TULP2: variants seen among roughly 807,000 people sequenced by gnomAD.
TULP2 encodes tubby-related protein 2.
In TULP2, 64 loss-of-function variants were observed where a neutral mutation model predicts 60.3. The observed-to-expected ratio is 1.06, with a 90% CI of 0.87 to 1.31. The LOEUF (loss-of-function observed/expected upper bound fraction) is 1.31, where lower values mean the gene tolerates loss of function less well. Ranked by LOEUF, TULP2 falls within the 50% of genes most tolerant of loss-of-function variation. TULP2 has a pLI of 0.00. For synonymous variants in TULP2, 267 were observed against 265.4 expected (o/e 1.01, Z -0.06); for missense variants, 652 against 667.0 (o/e 0.98, Z 0.25).
intron 3 of TULP2, 63 bp from the exon 4 acceptor site, chr19:48,896,619 G>A: frequency 6.7e-7 from 1 of 1,500,422 alleles, no homozygotes; most frequent in African/African-American, 1.4e-5. Context: ...GAAGTGAGGT[G>A]GGGCCTGGGG....
chr19:48,897,545 C>A lies in TULP2; in HGVS notation c.33-149G>T. On this transcript the variant is annotated intron_variant, in intron 2 of 12. Coordinates refer to ENST00000221399, the MANE Select transcript of TULP2 (RefSeq NM_003323.3). This position sits in a 1 kb window ranked among gnomAD's most constrained non-coding sequence, Gnocchi z 4.0. The stretch of plus-strand genomic sequence containing the variant: ...GGTGCAGAACCTGAGCCTGCTCCAC[C>A]AGTTATAGGGCCCTTTCTCCTGGCA... 1.3e-6 allele frequency: 1 copy of A among 787,004 alleles called. No individual in the cohort carries two copies. The highest frequency in any genetic ancestry group is 2.1e-6 in the Non-Finnish European group (1 of 475,302). 48.8% of individuals were successfully genotyped at this position (787,004 alleles called of 1,614,324 possible).
intron 7 of TULP2, among the ~76,000 whole-genome samples, chr19:48,888,713 C>A (rs1208970445): frequency 6.6e-6 from 1 of 152,112 alleles, no homozygotes; most frequent in Non-Finnish European, 1.5e-5. Flanking sequence ...CCTCTGCCTC[C>A]CAGGTTCAAG....
rs1212912294 is a variant in TULP2 at position 48,881,140 on chromosome 19, C to G, written c.1448-14G>C. On this transcript the variant is annotated splice_polypyrimidine_tract_variant and intron_variant, in intron 12 of 12. Coordinates refer to ENST00000221399, the MANE Select transcript of TULP2 (RefSeq NM_003323.3). The stretch of plus-strand genomic sequence containing the variant: ...CCAGATGTTCTTCTGAGAAGTGAAT[C>G]AGGAACAAAGCCTTAGCCTGACTCT... 1.3e-5 allele frequency: 20 copies of G among 1,583,268 alleles called. No individual in the cohort carries two copies. Among genetic ancestry groups the G allele is most frequent in the Non-Finnish European group, 1.6e-5 (19 of 1,157,058 alleles).
intron 6 of TULP2, among the ~76,000 whole-genome samples, chr19:48,890,545 T>G (rs1293111615): frequency 6.6e-6 from 1 of 152,188 alleles, no homozygotes; most frequent in Non-Finnish European, 1.5e-5. Flanking sequence ...CTTTTCCAAG[T>G]CTCTCGTTCC....
chr19:48,882,211 G>T lies in TULP2; in HGVS notation c.1276-8C>A. The T allele has an allele frequency of 6.2e-7, 1 of 1,613,938 alleles. No homozygotes were observed. The highest frequency in any genetic ancestry group is 8.5e-7 in the Non-Finnish European group (1 of 1,179,930). On this transcript the variant is annotated splice_polypyrimidine_tract_variant and splice_region_variant and intron_variant, in intron 11 of 12. Coordinates refer to ENST00000221399, the MANE Select transcript of TULP2 (RefSeq NM_003323.3). ...CAGTAGCGACTCCTGTTCCTAGAAG[G>T]TAAAGAAGGGGCTGTGGTTTTCTCA...
At chr19:48,890,218 G>A (rs1600005822) in intron 6 of TULP2, among the ~76,000 whole-genome samples, 1 of 151,768 alleles carries the variant, frequency 6.6e-6, no homozygotes, top group East Asian at 1.9e-4. Flanking sequence ...AACCGCCTTC[G>A]GGCTGGAGGT....
At chr19:48,881,253 A>G in intron 12 of TULP2, 127 bp from the exon 13 acceptor site, 1 of 574,054 alleles carries the variant, frequency 1.7e-6, no homozygotes, top group African/African-American at 2.2e-5. Flanking sequence ...TCTGTCGCCC[A>G]GGCTGGAGTG....
At chr19:48,884,907 T>C (rs2037165775) in intron 9 of TULP2, among the ~76,000 whole-genome samples, 1 of 126,580 alleles carries the variant, frequency 7.9e-6, no homozygotes, top group South Asian at 2.4e-4. Context: ...TTAGGAACCC[T>C]CTTTTTTTTT....
At chr19:48,883,650 C>T (rs936974330) in intron 11 of TULP2, 104 bp downstream of exon 11, 2 of 1,291,084 alleles carry the variant, frequency 1.5e-6, no homozygotes, top group East Asian at 4.7e-5. Context: ...CTGCAACCCA[C>T]TGGCCTCCTC....
At chr19:48,895,827 C>G (rs879813230) in intron 4 of TULP2, among the ~76,000 whole-genome samples, 9 of 152,046 alleles carry the variant, frequency 5.9e-5, no homozygotes, top group Admixed American at 1.3e-4. Context: ...TGCGGTGAGC[C>G]GATATCCTGC....
intron 6 of TULP2, among the ~76,000 whole-genome samples, chr19:48,894,503 TG>T (rs2037260750): frequency 1.3e-5 from 2 of 151,794 alleles, no homozygotes; most frequent in Admixed American, 1.3e-4. Context: ...TAGCTGGGCG[TG>T]GTGATGCGCA....
At chr19:48,884,835 C>T (rs1374328726) in intron 9 of TULP2, among the ~76,000 whole-genome samples, 3 of 151,220 alleles carry the variant, frequency 2.0e-5, no homozygotes, top group Non-Finnish European at 4.4e-5. Context: ...GTCCCAGGCC[C>T]CCTCATTTCT....
At position 48,882,084 on chromosome 19, in the gene TULP2, A is replaced by G. The variant is rs527932611; in HGVS notation, c.1395T>C (p.Gly465=). The change falls in exon 12 of 13, where the codon GGT becomes GGC. Residue 465 remains glycine (G), a synonymous_variant. Transcript: ENST00000221399. The stretch of plus-strand genomic sequence containing the variant: ...TCTTCACCGAAGCCCGAGTGACTCG[A>G]CCATGGAAATTGAGCGTGTAGACAC... ...ENGVYTLNFH[G]RVTRASVKNF... The G allele has an allele frequency of 7.4e-6, 12 of 1,614,200 alleles. No homozygotes were observed. In the African/African-American group the frequency reaches 1.3e-4, roughly 18 times the overall value.
chr19:48,888,276 A>C lies in TULP2; in HGVS notation c.637-15T>G, dbSNP rs2037202283. On this transcript the variant is annotated splice_polypyrimidine_tract_variant and intron_variant, in intron 7 of 12. Coordinates refer to ENST00000221399, the MANE Select transcript of TULP2 (RefSeq NM_003323.3). ...AAGTCTTCTTCCTAGCCCAGGCACCAAATTTAAAGTCGAGGGACAACCACC... is the reference window on the plus strand; with the variant it reads ...AAGTCTTCTTCCTAGCCCAGGCACCCAATTTAAAGTCGAGGGACAACCACC... 6.4e-7 allele frequency: 1 copy of C among 1,569,074 alleles called. No homozygotes were observed. The highest frequency in any genetic ancestry group is 1.4e-5 in the African/African-American group (1 of 73,472).
intron 11 of TULP2, among the ~76,000 whole-genome samples, chr19:48,882,561 G>T (rs966246247): frequency 1.3e-5 from 2 of 152,138 alleles, no homozygotes; most frequent in Non-Finnish European, 2.9e-5. Context: ...AGGAGACAGG[G>T]TCATTTATAA....
At position 48,887,930 on chromosome 19, in the gene TULP2, G is replaced by A. The variant is rs201754774; in HGVS notation, c.948+20C>T. The A allele has an allele frequency of 5.6e-6, 9 of 1,600,644 alleles. No homozygotes were observed. In the East Asian group the frequency reaches 2.0e-4, roughly 36 times the overall value. On this transcript the variant is annotated intron_variant, in intron 8 of 12. Transcript: ENST00000221399. ...GAGGTGGGGGCTTACTCCCAAAGCT[G>A]TTGGGCTGGCTTACTGCACCTGCAG...
Position 48,896,566 on chromosome 19 carries a change from T to C in TULP2, c.85-10A>G, listed in dbSNP as rs1456460568. On this transcript the variant is annotated splice_polypyrimidine_tract_variant and intron_variant, in intron 3 of 12. Transcript: ENST00000221399. ...TTTCAAACAGCCGCCGCTGGGGAGA[T>C]GGGAGAGGTGGGTGTCCGGGACAGG... The C allele has an allele frequency of 1.9e-6, 3 of 1,584,328 alleles. No individual in the cohort carries two copies. The highest frequency in any genetic ancestry group is 2.6e-6 in the Non-Finnish European group (3 of 1,165,176).
At chr19:48,892,034 C>G (rs2037237668) in intron 6 of TULP2, among the ~76,000 whole-genome samples, 1 of 152,236 alleles carries the variant, frequency 6.6e-6, no homozygotes, top group African/African-American at 2.4e-5. Context: ...TTTCTCCTAT[C>G]TCAGAATAGA....
At chr19:48,882,009 T>C in intron 12 of TULP2, 23 bp downstream of exon 12, 1 of 1,614,194 alleles carries the variant, frequency 6.2e-7, no homozygotes, top group Non-Finnish European at 8.5e-7. Context: ...CTGGCCCGGC[T>C]AAACTGGTTT....
Sources: gnomAD v4.1 joint callset for allele counts (sites outside exome capture counted in the v4.1 genomes callset) on GRCh38, gnomAD v4.1.1 for gene constraint, Gnocchi (gnomAD v3.1) non-coding constraint, MANE v1.5 for transcripts, NCBI Gene and HGNC (gene_info 2026-07-23, HGNC 2026-07-21) for gene names.